DPP10: variants seen among roughly 807,000 people sequenced by gnomAD.
DPP10 encodes the protein inactive dipeptidyl peptidase 10.
A neutral mutation model predicts 120.9 loss-of-function variants in DPP10; 33 were observed. The ratio of observed to expected loss-of-function variants is 0.27; its 90% CI spans 0.21 to 0.37. The LOEUF (loss-of-function observed/expected upper bound fraction) is 0.37. Among genes scored for constraint, DPP10 ranks in the 10% least tolerant of loss-of-function variants. DPP10 has a pLI of 1.00. For missense variants in DPP10, 816 were observed against 942.8 expected (o/e 0.87, Z 1.76); for synonymous variants, 337 against 326.1 (o/e 1.03, Z -0.36).
intron 1 of DPP10, among the ~76,000 whole-genome samples, chr2:114,928,903 C>T (rs547253893): frequency 2.0e-5 from 3 of 152,302 alleles, no homozygotes; most frequent in East Asian, 3.9e-4. Context: ...CTTTGAGCTA[C>T]ATCTGGAGCT....
chr2:115,522,821 G>A (rs1233895230), intron 4 of DPP10, among the ~76,000 whole-genome samples: 2 of 152,004 alleles, frequency 1.3e-5, no homozygotes, highest in African/African-American at 4.8e-5. Flanking sequence ...AGCATTATTG[G>A]CAATAATCAA....
chr2:114,800,597 A>G (rs1402046421), intron 1 of DPP10, among the ~76,000 whole-genome samples: 2 of 152,228 alleles, frequency 1.3e-5, no homozygotes, highest in East Asian at 1.9e-4. Context: ...ATCATCTCAC[A>G]TATTAGAGAA....
chr2:114,666,006 G>A lies in DPP10; in HGVS notation c.60+223168G>A, dbSNP rs139713052. Among the ~76,000 whole-genome samples, 209 of 152,240 alleles carry A rather than the reference G, an allele frequency of 1.4e-3. 1 individual carries two copies. The highest frequency in any genetic ancestry group is 2.4e-3 in the Non-Finnish European group (161 of 68,006). ...ATACAGCCCATCGGGTCAGAACCTC[G>A]AAAGGGATGGATGGAGACACACCAA... is the stretch of plus-strand genomic sequence containing the variant. On this transcript the variant is annotated intron_variant, in intron 1 of 25. Coordinates refer to ENST00000410059, the MANE Select transcript of DPP10 (RefSeq NM_020868.6).
intron 21 of DPP10, among the ~76,000 whole-genome samples, chr2:115,831,457 C>G (rs1253274084): frequency 2.0e-5 from 3 of 152,158 alleles, no homozygotes; most frequent in Admixed American, 2.0e-4. Context: ...TCAGGCTGGT[C>G]TCCAACTCCT....
At chr2:114,956,449 G>C (rs1169940480) in intron 1 of DPP10, among the ~76,000 whole-genome samples, 1 of 151,816 alleles carries the variant, frequency 6.6e-6, no homozygotes, top group African/African-American at 2.4e-5. Context: ...CATTGAAGAA[G>C]AGACAAATAA....
chr2:115,349,176 G>C (rs977300916), intron 3 of DPP10, among the ~76,000 whole-genome samples: 2 of 152,048 alleles, frequency 1.3e-5, no homozygotes, highest in Admixed American at 1.3e-4. Context: ...GTTTTATTTT[G>C]ATCTTATTGG....
In DPP10 at chr2:114,457,147, C is replaced by G. The variant is rs1316474522; in HGVS notation, c.60+14309C>G. The stretch of plus-strand genomic sequence containing the variant: ...TCTTAATGTTCAGGAGAGAACAGAT[C>G]CTGCGTCTGTTGTATCTTACGCAGA... On this transcript the variant is annotated intron_variant, in intron 1 of 25. Coordinates refer to ENST00000410059, the MANE Select transcript of DPP10 (RefSeq NM_020868.6). Among the ~76,000 whole-genome samples the G allele has an allele frequency of 2.0e-5, 3 of 152,166 alleles. No individual in the cohort carries two copies. The East Asian group carries it at 5.8e-4, about 29-fold the overall frequency.
At position 115,525,873 on chromosome 2, in the gene DPP10, A is replaced by G. The variant is rs370901006; in HGVS notation, c.367-25A>G. On this transcript the variant is annotated intron_variant, in intron 4 of 25. Transcript: ENST00000410059. Reference sequence around the variant, plus strand: ...TTCATGTTAAGAAGTTTTTAAATATAACTGGTTTTTTTTTCTTTTTCTAGG... The same window carrying G: ...TTCATGTTAAGAAGTTTTTAAATATGACTGGTTTTTTTTTCTTTTTCTAGG... 12 of 1,557,568 alleles carry G rather than the reference A, an allele frequency of 7.7e-6. No homozygotes were observed. The African/African-American group carries it at 1.1e-4, about 14-fold the overall frequency.
chr2:114,663,279 CAT>C (rs1165397321), intron 1 of DPP10, among the ~76,000 whole-genome samples: 1 of 142,216 alleles, frequency 7.0e-6, no homozygotes, highest in Non-Finnish European at 1.5e-5. Context: ...TATACACACA[CAT>C]ATATGTATAC....
At position 114,442,660 on chromosome 2, in the gene DPP10, G is replaced by A. The variant is rs1677719895; in HGVS notation, c.-119G>A. 2 of 1,117,060 alleles carry A rather than the reference G, an allele frequency of 1.8e-6. No individual in the cohort carries two copies. Among genetic ancestry groups the A allele is most frequent in the African/African-American group, 1.5e-5 (1 of 64,610 alleles). The allele number at this position is 1,117,060 out of a possible 1,614,324, so 69.2% of individuals were successfully genotyped here. ...AGAAACAGAAGCAGCAGAAGCAACA[G>A]CAGTAGCAGCGGCAGCAGCAACAGC... On this transcript the variant is annotated 5_prime_UTR_variant, in exon 1 of 26. Transcript: ENST00000410059.
intron 22 of DPP10, 102 bp downstream of exon 22, chr2:115,836,358 T>A: frequency 7.3e-7 from 1 of 1,370,972 alleles, no homozygotes. Context: ...CATATGTTAT[T>A]AGAGCCTGTT....
At chr2:115,309,150 T>G (rs1332923129) in intron 1 of DPP10, 89 bp from the exon 2 acceptor site, 10 of 966,330 alleles carry the variant, frequency 1.0e-5, no homozygotes, top group Non-Finnish European at 1.6e-5. Flanking sequence ...TTTCAAACTG[T>G]GATTGTGCCA....
chr2:114,810,640 A>G (rs935176680), intron 1 of DPP10, among the ~76,000 whole-genome samples: 2 of 152,172 alleles, frequency 1.3e-5, no homozygotes, highest in Admixed American at 6.6e-5. Context: ...TCTTTTTCCA[A>G]CAGTGACTTG....
chr2:115,483,670 T>G (rs1427322000), intron 3 of DPP10, among the ~76,000 whole-genome samples: 3 of 152,144 alleles, frequency 2.0e-5, no homozygotes, highest in Non-Finnish European at 4.4e-5. Context: ...ATAAAAAATG[T>G]ACTCTCCACA....
At chr2:115,053,955 T>G (rs1705701486) in intron 1 of DPP10, among the ~76,000 whole-genome samples, 2 of 152,204 alleles carry the variant, frequency 1.3e-5, no homozygotes, top group East Asian at 1.9e-4. Context: ...TTTAATAAAT[T>G]TATTAATTTC....
At chr2:115,583,571 G>A (rs1234918293) in intron 5 of DPP10, among the ~76,000 whole-genome samples, 1 of 152,074 alleles carries the variant, frequency 6.6e-6, no homozygotes, top group East Asian at 1.9e-4. Flanking sequence ...ATTTCAAAGT[G>A]GTTGGATTTC....
chr2:115,482,100 A>T (rs906309808), intron 3 of DPP10, among the ~76,000 whole-genome samples: 3 of 151,946 alleles, frequency 2.0e-5, no homozygotes, highest in Non-Finnish European at 2.9e-5. Flanking sequence ...ATATATCTAA[A>T]GTTTTGTATT....
chr2:114,743,052 A>G (rs1223578925), intron 1 of DPP10, among the ~76,000 whole-genome samples: 1 of 152,220 alleles, frequency 6.6e-6, no homozygotes, highest in Non-Finnish European at 1.5e-5. Flanking sequence ...ATCCATCACT[A>G]TGGTTCAGAG....
At chr2:115,437,013 A>G (rs1014741270) in intron 3 of DPP10, among the ~76,000 whole-genome samples, 1 of 151,990 alleles carries the variant, frequency 6.6e-6, no homozygotes, top group African/African-American at 2.4e-5. Context: ...ATATAGTCTC[A>G]TATCGGTAAG....
Sources: gnomAD v4.1 joint callset for allele counts (sites outside exome capture counted in the v4.1 genomes callset) on GRCh38, gnomAD v4.1.1 for gene constraint, MANE v1.5 for transcripts, NCBI Gene and HGNC (gene_info 2026-07-23, HGNC 2026-07-21) for gene names.